RNF111: variants seen among roughly 807,000 people sequenced by gnomAD.
RNF111 encodes ring finger protein 111.
A neutral mutation model predicts 95.1 loss-of-function variants in RNF111; 17 were observed. The observed-to-expected ratio is 0.18, with a 90% CI of 0.12 to 0.27. RNF111 has a LOEUF of 0.27. RNF111 is among the 10% of genes least tolerant of loss of function. The pLI is 1.00. For synonymous variants in RNF111, 440 were observed against 414.8 expected, an observed-to-expected ratio of 1.06 and a Z score of -0.74; for missense variants, 1,189 against 1,210.4, an observed-to-expected ratio of 0.98 and a Z score of 0.26.
At chr15:59,029,758 GGAA>G (rs1376886902) in intron 1 of RNF111, among the ~76,000 whole-genome samples, 1 of 152,162 alleles carries the variant, frequency 6.6e-6, no homozygotes, top group East Asian at 1.9e-4. Flanking sequence ...TGTAGTAATG[GGAA>G]GAAGATTTCT....
chr15:59,036,559 TG>T (rs1596156803), intron 2 of RNF111, among the ~76,000 whole-genome samples: 1 of 152,086 alleles, frequency 6.6e-6, no homozygotes, highest in East Asian at 1.9e-4. Context: ...CGTGAGAACA[TG>T]GTATGTGGGA....
chr15:59,072,889 A>C (rs1054427053), intron 6 of RNF111, among the ~76,000 whole-genome samples: 36 of 151,588 alleles, frequency 2.4e-4, no homozygotes, highest in Non-Finnish European at 3.5e-4. Flanking sequence ...TTAAAAAAAA[A>C]AAAACAAAAC....
At chr15:59,032,502 A>C (rs1327938779) in intron 2 of RNF111, among the ~76,000 whole-genome samples, 1 of 152,076 alleles carries the variant, frequency 6.6e-6, no homozygotes, top group East Asian at 1.9e-4. Flanking sequence ...GTTCACTGCA[A>C]CCTTCACCTC....
chr15:59,003,877 C>T (rs10518995), intron 1 of RNF111: 8,795 of 154,336 alleles, frequency 0.057, 428 homozygotes, highest in East Asian at 0.25. Flanking sequence ...GAATGAGAAC[C>T]ATAAATGAAT....
intron 8 of RNF111, among the ~76,000 whole-genome samples, chr15:59,083,207 C>A (rs1316658297): frequency 1.3e-5 from 2 of 151,698 alleles, no homozygotes; most frequent in African/African-American, 4.8e-5. Flanking sequence ...CTTCTGTTAA[C>A]TGACTTTAGG....
intron 11 of RNF111, 103 bp downstream of exon 11, chr15:59,089,862 G>A: frequency 1.4e-6 from 1 of 693,622 alleles, no homozygotes; most frequent in East Asian, 2.6e-5. Flanking sequence ...TACAGTGGCT[G>A]GGAATCACAT....
chr15:59,004,114 T>C, intron 1 of RNF111: 2 of 1,173,662 alleles, frequency 1.7e-6, no homozygotes, highest in Non-Finnish European at 2.2e-6. Flanking sequence ...ATTTATTTTA[T>C]TCCAGTGTGA....
intron 5 of RNF111, 144 bp from the exon 6 acceptor site, chr15:59,066,618 AAG>A (rs1398212452): frequency 1.4e-6 from 1 of 719,094 alleles, no homozygotes; most frequent in Non-Finnish European, 2.2e-6. Context: ...TCAAAAAAAA[AAG>A]AACGTGGCAC....
chr15:59,070,477 G>C (rs1347233411), intron 6 of RNF111, among the ~76,000 whole-genome samples: 4 of 152,050 alleles, frequency 2.6e-5, no homozygotes, highest in African/African-American at 9.7e-5. Context: ...GCTAATTTTA[G>C]TCTAAATAGT....
chr15:59,092,099 A>C (rs2079070174), intron 12 of RNF111, among the ~76,000 whole-genome samples: 1 of 152,206 alleles, frequency 6.6e-6, no homozygotes, highest in Non-Finnish European at 1.5e-5. Context: ...ATCTATTTTC[A>C]AAGAGTATTG....
chr15:59,045,169 T>G (rs1331045967), intron 2 of RNF111, among the ~76,000 whole-genome samples: 2 of 45,528 alleles, frequency 4.4e-5, no homozygotes, highest in South Asian at 4.4e-4. Flanking sequence ...TTTTTTACAG[T>G]TTTTTTTTTT....
rs560364822 is a variant in RNF111, at chr15:59,040,516, A to G, written c.880+8814A>G. Among the ~76,000 whole-genome samples the G allele has an allele frequency of 1.1e-4, 17 of 152,274 alleles. No individual in the cohort carries two copies. The East Asian group carries it at 2.7e-3, about 24-fold the overall frequency. ...ATCTTTAATTTAAGTGAATATTTCC[A>G]CTGCAAGTTTAGGATTAGGGTTTTT... On this transcript the variant is annotated intron_variant, in intron 2 of 13. Coordinates refer to ENST00000348370, the MANE Select transcript of RNF111 (RefSeq NM_017610.8).
chr15:59,076,178 C>T lies in RNF111; in HGVS notation c.1911C>T (p.Pro637=). 1 of 1,613,702 alleles carries T rather than the reference C, an allele frequency of 6.2e-7. No homozygotes were observed. The highest frequency in any genetic ancestry group is 8.5e-7 in the Non-Finnish European group (1 of 1,179,992). ...AQPQPQPPPQ[P]SLSSCRHYMP... is the part of the protein sequence containing the mutation. ...CCCAGCCCCAGCCCCCTCCACAGCC[C>T]TCTCTCTCATCATGTCGACATTACA... The change falls in exon 7 of 14, where the codon CCC becomes CCT. Residue 637 remains proline, a synonymous_variant. Transcript: ENST00000348370.
chr15:59,025,352 C>T (rs1205740162), intron 1 of RNF111, among the ~76,000 whole-genome samples: 2 of 152,236 alleles, frequency 1.3e-5, no homozygotes, highest in Non-Finnish European at 2.9e-5. Context: ...AATTTTAGTA[C>T]GAGCTAATGC....
chr15:59,017,234 C>A (rs763319218), intron 1 of RNF111, among the ~76,000 whole-genome samples: 7 of 151,760 alleles, frequency 4.6e-5, no homozygotes, highest in Admixed American at 1.3e-4. Context: ...CTGTGTAGGC[C>A]ACGATAATTT....
chr15:59,009,001 C>T (rs2039669110), intron 1 of RNF111, among the ~76,000 whole-genome samples: 1 of 151,910 alleles, frequency 6.6e-6, no homozygotes, highest in South Asian at 2.1e-4. Context: ...ATTCTGTCAC[C>T]CAGGCTGGAA....
chr15:59,093,328 T>C (rs2079104955), intron 13 of RNF111: 1 of 420,504 alleles, frequency 2.4e-6, no homozygotes, highest in African/African-American at 2.1e-5. Flanking sequence ...GCAGTCTGTT[T>C]TACAGCATCT....
intron 1 of RNF111, among the ~76,000 whole-genome samples, chr15:59,018,873 C>A (rs2040195622): frequency 6.6e-6 from 1 of 151,794 alleles, no homozygotes; most frequent in South Asian, 2.1e-4. Flanking sequence ...TCAGCTTTTC[C>A]CTTTTGTTTC....
chr15:59,068,201 C>T (rs986944630), intron 6 of RNF111, among the ~76,000 whole-genome samples: 5 of 151,970 alleles, frequency 3.3e-5, no homozygotes, highest in African/African-American at 9.7e-5. Flanking sequence ...GCCTGGGCGA[C>T]AGAGTGAGAT....
Sources: allele counts gnomAD v4.1 joint callset (sites outside exome capture counted in the v4.1 genomes callset), GRCh38; gene constraint gnomAD v4.1.1; transcripts MANE v1.5; gene names NCBI Gene and HGNC (gene_info 2026-07-23, HGNC 2026-07-21).